STXBP5: variants seen among roughly 807,000 people sequenced by gnomAD.
STXBP5 encodes the protein syntaxin binding protein 5, also known as syntaxin-binding protein 5.
A neutral mutation model predicts 152.4 loss-of-function variants in STXBP5; 50 were observed. The observed-to-expected ratio is 0.33, with a 90% CI of 0.26 to 0.42. The LOEUF is 0.42. Ranked by LOEUF, STXBP5 falls within the 10% of genes least tolerant of loss-of-function variation. The pLI is 1.00. For synonymous variants in STXBP5, 492 were observed against 494.7 expected (o/e 0.99, Z 0.07); for missense variants, 1,167 against 1,388.6 (o/e 0.84, Z 2.54).
rs1164057060 is a variant in STXBP5, at chr6:147,382,840, G to A, written c.3256G>A (p.Gly1086Ser). 1 of 1,613,534 alleles carries A rather than the reference G, an allele frequency of 6.2e-7. No homozygotes were observed. Among genetic ancestry groups the A allele is most frequent in the South Asian group, 1.1e-5 (1 of 91,070 alleles). Residue 1086 changes from glycine (G) to serine (S), a missense_variant, in exon 27 of 28, where the codon GGC (glycine) becomes AGC (serine). Gly to Ser is a moderately conservative substitution (Grantham distance 56). Around this residue, in one of 3 missense-constraint regions of STXBP5, gnomAD observed 833 missense variants for 986.3 expected, o/e 0.84. Coordinates refer to ENST00000321680, the MANE Select transcript of STXBP5 (RefSeq NM_001127715.4). The part of the protein sequence containing the change: ...SLAQHIPGPG[G>S]IEGVKGAASG... ...TGCACAGCATATTCCTGGCCCTGGT[G>A]GCATTGAAGGCGTAAAAGGGGCAGC...
At chr6:147,216,540 C>T (rs1777177829) in intron 2 of STXBP5, among the ~76,000 whole-genome samples, 1 of 152,060 alleles carries the variant, frequency 6.6e-6, no homozygotes, top group South Asian at 2.1e-4. Context: ...ATTTTATCTA[C>T]TTTTTGAAAA....
intron 4 of STXBP5, among the ~76,000 whole-genome samples, chr6:147,247,097 G>C (rs1778846850): frequency 6.6e-6 from 1 of 152,202 alleles, no homozygotes; most frequent in South Asian, 2.1e-4. Flanking sequence ...AGTTATAAAA[G>C]AGTGTTTGGC....
At chr6:147,371,967 G>T (rs545133907) in intron 25 of STXBP5, among the ~76,000 whole-genome samples, 121 of 152,176 alleles carry the variant, frequency 8.0e-4, no homozygotes, top group Non-Finnish European at 1.5e-3. Context: ...GTTTTTAAAA[G>T]ATTTAAAATA....
intron 6 of STXBP5, among the ~76,000 whole-genome samples, chr6:147,263,690 T>C (rs1779752828): frequency 6.6e-6 from 1 of 152,074 alleles, no homozygotes; most frequent in Non-Finnish European, 1.5e-5. Context: ...TCCATACCTT[T>C]GTTTAAGTGA....
At chr6:147,354,801 G>A (rs747786223) in intron 22 of STXBP5, among the ~76,000 whole-genome samples, 1 of 152,138 alleles carries the variant, frequency 6.6e-6, no homozygotes, top group Non-Finnish European at 1.5e-5. Flanking sequence ...GCATGCCCAT[G>A]TATGCCCTAA....
intron 6 of STXBP5, among the ~76,000 whole-genome samples, chr6:147,263,338 CTTTCT>C (rs1779730557): frequency 7.1e-6 from 1 of 141,478 alleles, no homozygotes; most frequent in African/African-American, 2.6e-5. Context: ...CTTTTTCTTT[CTTTCT>C]TTTTTTTTTT....
chr6:147,328,892 C>A, intron 18 of STXBP5: 1 of 358,232 alleles, frequency 2.8e-6, no homozygotes, highest in Non-Finnish European at 5.5e-6. Context: ...ACACTGTACT[C>A]ATTACTTAGA....
intron 2 of STXBP5, among the ~76,000 whole-genome samples, chr6:147,217,745 G>A (rs1180538991): frequency 6.6e-6 from 1 of 152,062 alleles, no homozygotes; most frequent in Non-Finnish European, 1.5e-5. Flanking sequence ...TTCTGTTTTG[G>A]TGCTTGTTTT....
Position 147,360,525 on chromosome 6 carries a change from A to T in STXBP5, c.2545+1202A>T, listed in dbSNP as rs373963527. On this transcript the variant is annotated intron_variant, in intron 23 of 27. Transcript: ENST00000321680. ...ATCTTGTGTAAAATAATTACTATGTAAGAAAATTTTTTTTAAAAGTTACAA... is the reference window on the plus strand; with the variant it reads ...ATCTTGTGTAAAATAATTACTATGTTAGAAAATTTTTTTTAAAAGTTACAA... Among the ~76,000 whole-genome samples, 9 of 152,302 alleles carry T rather than the reference A, an allele frequency of 5.9e-5. No homozygotes were observed. In the East Asian group the frequency reaches 1.7e-3, roughly 29 times the overall value.
intron 2 of STXBP5, among the ~76,000 whole-genome samples, chr6:147,225,196 G>A (rs1191616977): frequency 6.6e-6 from 1 of 151,992 alleles, no homozygotes; most frequent in Non-Finnish European, 1.5e-5. Flanking sequence ...TTTTTTCTTG[G>A]TTTAGTAGGA....
At chr6:147,317,719 A>G (rs1184245090) in intron 16 of STXBP5, among the ~76,000 whole-genome samples, 1 of 152,218 alleles carries the variant, frequency 6.6e-6, no homozygotes, top group African/African-American at 2.4e-5. Flanking sequence ...CTGTACTAGA[A>G]TATACACACT....
intron 13 of STXBP5, 66 bp downstream of exon 13, chr6:147,314,397 T>A (rs761009494): frequency 2.1e-6 from 3 of 1,460,968 alleles, no homozygotes; most frequent in Non-Finnish European, 2.9e-6. Context: ...TGAGACTACA[T>A]GAATGTTAAC....
intron 8 of STXBP5, among the ~76,000 whole-genome samples, chr6:147,288,709 A>G (rs1255921289): frequency 2.0e-5 from 3 of 152,168 alleles, no homozygotes; most frequent in African/African-American, 7.2e-5. Context: ...AAAGAATTCA[A>G]CTGAGGAGCA....
intron 7 of STXBP5, 32 bp downstream of exon 7, chr6:147,267,199 T>C (rs1362234785): frequency 1.3e-6 from 2 of 1,534,412 alleles, no homozygotes; most frequent in Non-Finnish European, 1.8e-6. Context: ...AAAGCTATGG[T>C]CATTTCTCTC....
At chr6:147,214,213 C>T (rs1044391371) in intron 2 of STXBP5, among the ~76,000 whole-genome samples, 19 of 152,138 alleles carry the variant, frequency 1.2e-4, no homozygotes, top group Non-Finnish European at 2.4e-4. Flanking sequence ...AGGACTTTTT[C>T]ATGATCTTCT....
chr6:147,384,591 C>A, intron 27 of STXBP5, 123 bp from the exon 28 acceptor site: 3 of 919,626 alleles, frequency 3.3e-6, no homozygotes, highest in Non-Finnish European at 5.2e-6. Flanking sequence ...TTGAAGTAAG[C>A]ATATAGTAGC....
At chr6:147,273,767 G>C (rs545227184) in intron 7 of STXBP5, among the ~76,000 whole-genome samples, 16 of 152,028 alleles carry the variant, frequency 1.1e-4, no homozygotes, top group South Asian at 1.0e-3. Context: ...CTGGGTAACA[G>C]GGTGAAACCC....
chr6:147,249,845 A>G (rs746971689), intron 4 of STXBP5, among the ~76,000 whole-genome samples: 1 of 152,226 alleles, frequency 6.6e-6, no homozygotes, highest in South Asian at 2.1e-4. Flanking sequence ...TAAGAGATTA[A>G]CAGTGTACCC....
intron 4 of STXBP5, among the ~76,000 whole-genome samples, chr6:147,245,300 A>G (rs983667330): frequency 1.3e-5 from 2 of 152,168 alleles, no homozygotes; most frequent in African/African-American, 4.8e-5. Context: ...AGGATGCAAG[A>G]TGGAATTTTT....
Sources: allele counts gnomAD v4.1 joint callset (sites outside exome capture counted in the v4.1 genomes callset), GRCh38; gene constraint gnomAD v4.1.1; regional missense constraint gnomAD v4.1.1; transcripts MANE v1.5; gene names NCBI Gene and HGNC (gene_info 2026-07-23, HGNC 2026-07-21).